Variants in CHCHD3 observed in about 807,000 individuals in gnomAD.
CHCHD3 encodes the protein coiled-coil-helix-coiled-coil-helix domain containing 3.
A neutral mutation model predicts 38.2 loss-of-function variants in CHCHD3; 20 were observed. The ratio of observed to expected loss-of-function variants is 0.52; its 90% CI spans 0.37 to 0.76. The LOEUF (loss-of-function observed/expected upper bound fraction) is 0.76, where lower values mean the gene tolerates loss of function less well. Among genes scored for constraint, CHCHD3 ranks in the 30% least tolerant of loss-of-function variants. The probability of loss-of-function intolerance (pLI) is 0.00; values close to 1 mark genes in which losing one functional copy is unlikely to be tolerated. For synonymous variants in CHCHD3, 82 were observed against 100.0 expected (o/e 0.82, Z 1.07); for missense variants, 245 against 279.2 (o/e 0.88, Z 0.87).
intron 3 of CHCHD3, among the ~76,000 whole-genome samples, chr7:133,020,972 C>T (rs1377183991): frequency 1.3e-5 from 2 of 151,802 alleles, no homozygotes; most frequent in Admixed American, 1.3e-4. Context: ...GGGGGGCCGG[C>T]GGGCAGCAGG....
At chr7:132,984,324 C>T (rs1333654282) in intron 3 of CHCHD3, among the ~76,000 whole-genome samples, 2 of 151,770 alleles carry the variant, frequency 1.3e-5, no homozygotes, top group Non-Finnish European at 3.0e-5. Flanking sequence ...CTCGGCCTCC[C>T]GAGGTGCCGG....
intron 2 of CHCHD3, among the ~76,000 whole-genome samples, chr7:133,039,834 A>G (rs1813781738): frequency 6.6e-6 from 1 of 152,176 alleles, no homozygotes; most frequent in Non-Finnish European, 1.5e-5. Flanking sequence ...TAGCCTAGTG[A>G]CTAAGTTCAG....
intron 3 of CHCHD3, among the ~76,000 whole-genome samples, chr7:132,989,197 C>A (rs1221835712): frequency 3.9e-5 from 6 of 152,136 alleles, no homozygotes; most frequent in African/African-American, 1.2e-4. Flanking sequence ...AGCATTAAGT[C>A]CTGGTTCTGA....
chr7:132,805,835 A>G (rs1170576198), intron 6 of CHCHD3, among the ~76,000 whole-genome samples: 1 of 152,170 alleles, frequency 6.6e-6, no homozygotes, highest in Non-Finnish European at 1.5e-5. Context: ...GAAGTAAAGA[A>G]GAGGAAGGAC....
In CHCHD3 at chr7:132,992,941, G is replaced by A. The variant is rs114838273; in HGVS notation, c.252-17655C>T. Among the ~76,000 whole-genome samples the A allele has an allele frequency of 5.7e-3, 867 of 152,226 alleles. 7 individuals carry two copies. Among genetic ancestry groups the A allele is most frequent in the African/African-American group, 0.02 (828 of 41,534 alleles). ...ATTTTCTAAATCCTTGCATATCAAT[G>A]GTCCTCTTTTTCACCGTAACAGCTG... On this transcript the variant is annotated intron_variant, in intron 3 of 7. Coordinates refer to ENST00000262570, the MANE Select transcript of CHCHD3 (RefSeq NM_017812.4).
intron 4 of CHCHD3, among the ~76,000 whole-genome samples, chr7:132,942,894 A>C (rs1810803095): frequency 6.6e-6 from 1 of 152,200 alleles, no homozygotes; most frequent in Admixed American, 6.6e-5. Context: ...ACCACTAGGT[A>C]TCTGGTTTGC....
chr7:132,917,268 T>TC (rs1177779717), intron 4 of CHCHD3, among the ~76,000 whole-genome samples: 1 of 149,064 alleles, frequency 6.7e-6, no homozygotes, highest in African/African-American at 2.5e-5. Flanking sequence ...TTAAACTAAA[T>TC]CCCCCCTGCT....
At chr7:132,828,233 C>T (rs1807557135) in intron 6 of CHCHD3, among the ~76,000 whole-genome samples, 1 of 152,102 alleles carries the variant, frequency 6.6e-6, no homozygotes, top group African/African-American at 2.4e-5. Context: ...TGTATACCCC[C>T]ACCAGCAAAG....
intron 3 of CHCHD3, among the ~76,000 whole-genome samples, chr7:132,999,409 A>G (rs1411198389): frequency 6.6e-6 from 1 of 152,174 alleles, no homozygotes; most frequent in Non-Finnish European, 1.5e-5. Context: ...GGAACAAAGA[A>G]AAGTCTGTTT....
chr7:132,979,885 T>A (rs955490663), intron 3 of CHCHD3, among the ~76,000 whole-genome samples: 1 of 152,210 alleles, frequency 6.6e-6, no homozygotes, highest in East Asian at 1.9e-4. Flanking sequence ...AAATATTGCA[T>A]GGCAATTATT....
intron 4 of CHCHD3, among the ~76,000 whole-genome samples, chr7:132,944,887 T>C (rs1810859728): frequency 6.6e-6 from 1 of 152,068 alleles, no homozygotes; most frequent in African/African-American, 2.4e-5. Context: ...TATTCCAAAA[T>C]GAAAGCCTAC....
chr7:132,799,007 C>CTGTGTGTGTGTG (rs58508838), intron 6 of CHCHD3, among the ~76,000 whole-genome samples: 2 of 145,490 alleles, frequency 1.4e-5, no homozygotes, highest in African/African-American at 5.1e-5. Context: ...GTGATCTGTT[C>CTGTGTGTGTGTG]TGTGTGTGTG....
At chr7:132,984,475 C>G (rs1200106908) in intron 3 of CHCHD3, among the ~76,000 whole-genome samples, 1 of 147,332 alleles carries the variant, frequency 6.8e-6, no homozygotes, top group Admixed American at 6.7e-5. Context: ...AGCCTCTGCC[C>G]GGCCGCCACC....
intron 3 of CHCHD3, among the ~76,000 whole-genome samples, chr7:132,976,679 C>T (rs1477066741): frequency 3.9e-5 from 6 of 152,088 alleles, no homozygotes; most frequent in African/African-American, 1.4e-4. Flanking sequence ...TGAGTGAAAT[C>T]TACTTTATAC....
Position 133,082,011 on chromosome 7 carries a change from C to A in CHCHD3, c.-74G>T. ...TTCGGGGCCCCCGCACCCACACGCG[C>A]GTGGAAGGGCCTGGATTCTTTTCCC... On this transcript the variant is annotated 5_prime_UTR_variant, in exon 1 of 8. Transcript: ENST00000262570. 2 of 1,319,414 alleles carry A rather than the reference C, an allele frequency of 1.5e-6. No homozygotes were observed. The highest frequency in any genetic ancestry group is 2.1e-6 in the Non-Finnish European group (2 of 972,572). 81.7% of individuals were successfully genotyped at this position (1,319,414 alleles called of 1,614,324 possible).
chr7:132,813,793 A>C (rs1290946725), intron 6 of CHCHD3, among the ~76,000 whole-genome samples: 1 of 152,196 alleles, frequency 6.6e-6, no homozygotes, highest in Non-Finnish European at 1.5e-5. Context: ...TGGTGGAGAA[A>C]GAGGAGGGCT....
intron 2 of CHCHD3, among the ~76,000 whole-genome samples, chr7:133,047,976 C>T (rs1344384265): frequency 6.6e-6 from 1 of 152,144 alleles, no homozygotes; most frequent in African/African-American, 2.4e-5. Flanking sequence ...TAATCCCAAG[C>T]TACTCGGGAG....
intron 4 of CHCHD3, among the ~76,000 whole-genome samples, chr7:132,967,897 A>G (rs977269962): frequency 2.6e-5 from 4 of 151,780 alleles, no homozygotes; most frequent in South Asian, 2.1e-4. Flanking sequence ...GACAATGTAC[A>G]TTTCAGAAAT....
At chr7:133,020,777 G>A (rs1057071005) in intron 3 of CHCHD3, among the ~76,000 whole-genome samples, 7 of 152,058 alleles carry the variant, frequency 4.6e-5, no homozygotes, top group Non-Finnish European at 7.4e-5. Context: ...AGGTTTTGAC[G>A]GCATAGAATA....
Sources: gnomAD v4.1 joint callset for allele counts (sites outside exome capture counted in the v4.1 genomes callset) on GRCh38, gnomAD v4.1.1 for gene constraint, MANE v1.5 for transcripts, NCBI Gene and HGNC (gene_info 2026-07-23, HGNC 2026-07-21) for gene names.